Variants in MACROD2 observed in about 807,000 individuals in gnomAD.
MACROD2 encodes mono-ADP ribosylhydrolase 2, also known as ADP-ribose glycohydrolase MACROD2.
MACROD2 carries 36 observed loss-of-function variants against 70.4 expected under a neutral mutation model. The observed-to-expected ratio is 0.51, with a 90% confidence interval of 0.39 to 0.68. The LOEUF (loss-of-function observed/expected upper bound fraction) is 0.68. Ranked by LOEUF, MACROD2 falls within the 30% of genes least tolerant of loss-of-function variation. The pLI is 0.00. For synonymous variants in MACROD2, 172 were observed against 178.8 expected (o/e 0.96, Z 0.30); for missense variants, 496 against 538.4 (o/e 0.92, Z 0.78).
intron 3 of MACROD2, among the ~76,000 whole-genome samples, chr20:14,167,613 C>G (rs2055286793): frequency 6.6e-6 from 1 of 151,956 alleles, no homozygotes; most frequent in Non-Finnish European, 1.5e-5. Context: ...TGGTTGCGAA[C>G]TCCTGACCTC....
chr20:15,549,213 T>A (rs2048064254), intron 8 of MACROD2, among the ~76,000 whole-genome samples: 1 of 152,226 alleles, frequency 6.6e-6, no homozygotes, highest in Admixed American at 6.5e-5. Flanking sequence ...AAGCCTACCA[T>A]TTTGTTTTAT....
intron 2 of MACROD2, among the ~76,000 whole-genome samples, chr20:14,007,259 A>G (rs2052836470): frequency 6.6e-6 from 1 of 152,180 alleles, no homozygotes; most frequent in African/African-American, 2.4e-5. Context: ...AATAAATGCC[A>G]TATTTCCCTT....
chr20:15,355,704 G>C (rs916392826), intron 6 of MACROD2, among the ~76,000 whole-genome samples: 1 of 152,152 alleles, frequency 6.6e-6, no homozygotes, highest in Admixed American at 6.6e-5. Context: ...CTCAGCATGA[G>C]TGACTTTATC....
At chr20:14,669,659 C>T (rs1474418990) in intron 4 of MACROD2, among the ~76,000 whole-genome samples, 1 of 152,054 alleles carries the variant, frequency 6.6e-6, no homozygotes, top group Non-Finnish European at 1.5e-5. Flanking sequence ...TAATATTGAC[C>T]TACATCATCC....
chr20:14,507,716 G>T (rs536706623), intron 4 of MACROD2, among the ~76,000 whole-genome samples: 1 of 152,270 alleles, frequency 6.6e-6, no homozygotes, highest in South Asian at 2.1e-4. Context: ...CCACAACAAT[G>T]AATCAATAGA....
intron 5 of MACROD2, among the ~76,000 whole-genome samples, chr20:14,942,650 A>T (rs541607103): frequency 6.6e-6 from 1 of 152,332 alleles, no homozygotes; most frequent in South Asian, 2.1e-4. Flanking sequence ...TTAACGTTGA[A>T]TGTCACATGT....
intron 13 of MACROD2, among the ~76,000 whole-genome samples, chr20:15,979,646 A>C (rs1418667544): frequency 6.6e-6 from 1 of 152,178 alleles, no homozygotes; most frequent in East Asian, 1.9e-4. Flanking sequence ...TATCCTCAGC[A>C]CAAAATCTTT....
At chr20:14,564,997 C>G (rs925024767) in intron 4 of MACROD2, among the ~76,000 whole-genome samples, 5 of 151,892 alleles carry the variant, frequency 3.3e-5, no homozygotes, top group African/African-American at 1.2e-4. Flanking sequence ...GAATACTACT[C>G]TGCCATAAAA....
chr20:14,069,618 A>T (rs998268757), intron 2 of MACROD2, among the ~76,000 whole-genome samples: 5 of 150,218 alleles, frequency 3.3e-5, no homozygotes, highest in African/African-American at 1.2e-4. Context: ...TCAGATAAAA[A>T]TATATCCCAA....
chr20:15,343,122 T>C (rs995980300), intron 6 of MACROD2, among the ~76,000 whole-genome samples: 7 of 152,168 alleles, frequency 4.6e-5, no homozygotes, highest in Admixed American at 1.3e-4. Flanking sequence ...TTGTCAGAAT[T>C]CCTTTTGGGG....
chr20:14,025,350 G>C (rs768086515), intron 2 of MACROD2, among the ~76,000 whole-genome samples: 9 of 152,008 alleles, frequency 5.9e-5, no homozygotes, highest in Non-Finnish European at 1.3e-4. Flanking sequence ...CGGGTTTTTC[G>C]TGTCTGTATC....
chr20:14,065,189 T>C (rs903104853), intron 2 of MACROD2, among the ~76,000 whole-genome samples: 3 of 152,180 alleles, frequency 2.0e-5, no homozygotes, highest in Non-Finnish European at 4.4e-5. Context: ...TCTGGCCAGT[T>C]AACTTAAATT....
At chr20:14,061,427 CTGG>C (rs1185690575) in intron 2 of MACROD2, among the ~76,000 whole-genome samples, 8 of 151,924 alleles carry the variant, frequency 5.3e-5, no homozygotes, top group Admixed American at 5.2e-4. Flanking sequence ...TCCTTCAGGA[CTGG>C]TGCTTCTAAT....
chr20:14,885,317 T>G (rs901313558), intron 5 of MACROD2, among the ~76,000 whole-genome samples: 3 of 152,156 alleles, frequency 2.0e-5, no homozygotes, highest in Non-Finnish European at 4.4e-5. Context: ...TTGCATATAA[T>G]TAATAATTCT....
At chr20:15,435,544 C>T (rs1018814072) in intron 7 of MACROD2, among the ~76,000 whole-genome samples, 2 of 152,110 alleles carry the variant, frequency 1.3e-5, no homozygotes, top group Non-Finnish European at 2.9e-5. Flanking sequence ...CCCTGTCCTC[C>T]CCAGTGTTTG....
chr20:14,232,511 T>A (rs2081825948), intron 3 of MACROD2, among the ~76,000 whole-genome samples: 1 of 152,254 alleles, frequency 6.6e-6, no homozygotes, highest in Non-Finnish European at 1.5e-5. Context: ...TGCTACTTCA[T>A]CTTTCACTTT....
intron 7 of MACROD2, among the ~76,000 whole-genome samples, chr20:15,468,058 T>C (rs954134117): frequency 6.6e-6 from 1 of 152,250 alleles, no homozygotes; most frequent in Non-Finnish European, 1.5e-5. Context: ...CTTTACTCTT[T>C]AGATGGCAAA....
intron 7 of MACROD2, among the ~76,000 whole-genome samples, chr20:15,482,761 T>A: frequency 6.6e-6 from 1 of 152,188 alleles, no homozygotes; most frequent in Non-Finnish European, 1.5e-5. Flanking sequence ...TTGGCCATTC[T>A]AATAGATGTG....
Position 15,918,836 on chromosome 20 carries a change from G to A in MACROD2, c.776-14440G>A, listed in dbSNP as rs577385498. Among the ~76,000 whole-genome samples, 396 of 152,248 alleles carry A rather than the reference G, an allele frequency of 2.6e-3. 4 individuals carry two copies. Among genetic ancestry groups the A allele is most frequent in the African/African-American group, 9.0e-3 (373 of 41,542 alleles). On this transcript the variant is annotated intron_variant, in intron 10 of 17. Coordinates refer to ENST00000684519, the MANE Select transcript of MACROD2 (RefSeq NM_001351661.2). Reference sequence around the variant, plus strand: ...GCTACATCCACTGCCTCCTCATGGGGCTCCACCTGTTTAGGGAGGAAGGGG... The same window carrying A: ...GCTACATCCACTGCCTCCTCATGGGACTCCACCTGTTTAGGGAGGAAGGGG...
Sources: allele counts gnomAD v4.1 joint callset (sites outside exome capture counted in the v4.1 genomes callset), GRCh38; gene constraint gnomAD v4.1.1; transcripts MANE v1.5; gene names NCBI Gene and HGNC (gene_info 2026-07-23, HGNC 2026-07-21).